The following AGPS variants were observed in gnomAD, a reference collection of about 807,000 sequenced individuals.
AGPS encodes alkyldihydroxyacetonephosphate synthase, peroxisomal.
Under a neutral mutation model 90.7 loss-of-function variants are expected in AGPS, and 26 were observed. The ratio of observed to expected loss-of-function variants is 0.29; its 90% confidence interval spans 0.21 to 0.40. AGPS has a LOEUF of 0.40. AGPS is among the 10% of genes least tolerant of loss of function. The pLI is 1.00. For synonymous variants in AGPS, 294 were observed against 285.3 expected, an observed-to-expected ratio of 1.03 and a Z score of -0.31; for missense variants, 540 against 816.1, an observed-to-expected ratio of 0.66 and a Z score of 4.12.
chr2:177,509,449 G>A (rs1379003171), intron 16 of AGPS, among the ~76,000 whole-genome samples: 3 of 152,054 alleles, frequency 2.0e-5, no homozygotes, highest in East Asian at 3.9e-4. Flanking sequence ...GGCAGATCAC[G>A]AGGTCAGGAG....
intron 1 of AGPS, among the ~76,000 whole-genome samples, chr2:177,403,466 G>A (rs1049366700): frequency 6.6e-5 from 10 of 152,210 alleles, no homozygotes; most frequent in African/African-American, 2.4e-4. Context: ...GTGGCAGTTT[G>A]CTCTAGTAAT....
chr2:177,447,448 A>C (rs75112224), intron 8 of AGPS, among the ~76,000 whole-genome samples: 5,323 of 151,706 alleles, frequency 0.035, 206 homozygotes, highest in African/African-American at 0.097. Flanking sequence ...TAATGAAAAA[A>C]CCTCTAAAAA....
At chr2:177,505,700 C>A (rs77438433) in intron 15 of AGPS, 125 bp downstream of exon 15, 9 of 821,154 alleles carry the variant, frequency 1.1e-5, no homozygotes, top group Non-Finnish European at 1.8e-5. Context: ...TTTAGCATAT[C>A]ATTTTACATG....
At chr2:177,407,660 G>A (rs562787016) in intron 1 of AGPS, among the ~76,000 whole-genome samples, 4 of 152,168 alleles carry the variant, frequency 2.6e-5, no homozygotes, top group South Asian at 2.1e-4. Context: ...CAGCCCCGGG[G>A]ACTGCAATTT....
intron 10 of AGPS, 25 bp from the exon 11 acceptor site, chr2:177,482,034 G>A (rs1161040705): frequency 3.2e-6 from 5 of 1,579,078 alleles, no homozygotes; most frequent in Non-Finnish European, 4.3e-6. Flanking sequence ...TGATGTACTG[G>A]ATTATTCCCC....
Position 177,396,138 on chromosome 2 carries a change from A to G in AGPS, c.260+3089A>G, listed in dbSNP as rs139587520. The stretch of plus-strand genomic sequence containing the variant: ...TTCTGGAGAAGATTTTAAAATGTGG[A>G]TGGTATTTTGAGAGTTTATATTCCA... On this transcript the variant is annotated intron_variant, in intron 1 of 19. Transcript: ENST00000264167. 1.5e-3 allele frequency among the ~76,000 whole-genome samples: 230 copies of G among 152,212 alleles called. 1 individual carries two copies. The highest frequency in any genetic ancestry group is 5.2e-3 in the African/African-American group (217 of 41,524).
intron 18 of AGPS, among the ~76,000 whole-genome samples, chr2:177,522,814 T>G (rs1337582494): frequency 6.6e-6 from 1 of 152,152 alleles, no homozygotes; most frequent in Non-Finnish European, 1.5e-5. Context: ...CTGGGCCCTC[T>G]CCTACCCTGG....
intron 1 of AGPS, among the ~76,000 whole-genome samples, chr2:177,396,864 G>A (rs1389506341): frequency 6.6e-6 from 1 of 151,932 alleles, no homozygotes. Context: ...CATTTCAGAG[G>A]GCTGACCAAA....
At chr2:177,533,288 T>G (rs2079154085) in intron 19 of AGPS, among the ~76,000 whole-genome samples, 1 of 152,206 alleles carries the variant, frequency 6.6e-6, no homozygotes, top group Non-Finnish European at 1.5e-5. Flanking sequence ...AACTGAACAT[T>G]AAACTATTAA....
chr2:177,493,181 A>C lies in AGPS; in HGVS notation c.1267A>C (p.Asn423His). ...TCCGGCATCTATTCGCCTCATGGAC[A>C]ACAAGCAGTTTCAGTTTGGTAAGTA... The part of the protein sequence containing the change: ...CAPASIRLMD[N>H]KQFQFGHALK... The change falls in exon 12 of 20, where the codon AAC (asparagine) becomes CAC (histidine). Residue 423 changes from asparagine (N) to histidine (H), a missense_variant. Asn to His is a moderately conservative substitution (Grantham distance 68, BLOSUM62 1). Coordinates refer to ENST00000264167, the MANE Select transcript of AGPS (RefSeq NM_003659.4). The C allele has an allele frequency of 6.2e-7, 1 of 1,613,550 alleles. No individual in the cohort carries two copies. Among genetic ancestry groups the C allele is most frequent in the Non-Finnish European group, 8.5e-7 (1 of 1,179,646 alleles).
intron 14 of AGPS, among the ~76,000 whole-genome samples, chr2:177,503,464 A>G (rs1688619531): frequency 6.6e-6 from 1 of 152,166 alleles, no homozygotes; most frequent in African/African-American, 2.4e-5. Context: ...TTCCTCTTTC[A>G]TTAGTCTTTC....
In AGPS at chr2:177,481,919, T is replaced by TTAC. The variant is rs562203966; in HGVS notation, c.1106-139_1106-138insACT. ...ATTTTATAATTTTTTCTAGAATGAC[T>TTAC]TGAGTAGCCATTATTCCCCAGGTAG... On this transcript the variant is annotated intron_variant, in intron 10 of 19. Transcript: ENST00000264167. 310 of 746,120 alleles carry TTAC rather than the reference T, an allele frequency of 4.2e-4. 6 individuals are homozygous for TTAC. The South Asian group carries it at 6.5e-3, about 16-fold the overall frequency. 46.2% of individuals were successfully genotyped at this position (746,120 alleles called of 1,614,324 possible).
At chr2:177,396,510 T>A (rs1286712075) in intron 1 of AGPS, among the ~76,000 whole-genome samples, 2 of 152,130 alleles carry the variant, frequency 1.3e-5, no homozygotes, top group Non-Finnish European at 2.9e-5. Context: ...GGAATTAAGC[T>A]GGGAAGAGAC....
Position 177,455,753 on chromosome 2 carries a change from T to G in AGPS, c.871-6140T>G, listed in dbSNP as rs188898773. Among the ~76,000 whole-genome samples the G allele has an allele frequency of 3.4e-5, 5 of 145,526 alleles. No homozygotes were observed. The East Asian group carries it at 1.0e-3, about 29-fold the overall frequency. On this transcript the variant is annotated intron_variant, in intron 8 of 19. Coordinates refer to ENST00000264167, the MANE Select transcript of AGPS (RefSeq NM_003659.4). ...GTATAATTTAATTATGATTCTTAAT[T>G]TCAGTTTCCTTTACTATTTCTCCTG...
At chr2:177,481,654 A>C (rs1318216722) in intron 10 of AGPS, among the ~76,000 whole-genome samples, 1 of 151,948 alleles carries the variant, frequency 6.6e-6, no homozygotes, top group Non-Finnish European at 1.5e-5. Flanking sequence ...TTGCCCAATA[A>C]ATTGTTTTTA....
At chr2:177,502,567 T>C (rs1245542992) in intron 14 of AGPS, among the ~76,000 whole-genome samples, 1 of 151,612 alleles carries the variant, frequency 6.6e-6, no homozygotes, top group Admixed American at 6.6e-5. Context: ...CAGGTGCACG[T>C]CACCATGCCT....
At position 177,538,398 on chromosome 2, in the gene AGPS, A is replaced by G; in HGVS notation, c.*203A>G. On this transcript the variant is annotated 3_prime_UTR_variant, in exon 20 of 20. Coordinates refer to ENST00000264167, the MANE Select transcript of AGPS (RefSeq NM_003659.4). Reference sequence around the variant, plus strand: ...AGTATTCCTAAATCTCTCTCATTGTAGGTACATCATTTTACATTCAGCGGT... The same window carrying G: ...AGTATTCCTAAATCTCTCTCATTGTGGGTACATCATTTTACATTCAGCGGT... 1 of 607,724 alleles carries G rather than the reference A, an allele frequency of 1.6e-6. No homozygotes were observed. Among genetic ancestry groups the G allele is most frequent in the Non-Finnish European group, 2.8e-6 (1 of 354,868 alleles). 37.6% of individuals were successfully genotyped at this position (607,724 alleles called of 1,614,324 possible). A position where few individuals can be genotyped will look rare whatever the true frequency, so the allele number is the denominator to read the frequency against.
chr2:177,458,051 A>G (rs1370695111), intron 8 of AGPS, among the ~76,000 whole-genome samples: 2 of 152,222 alleles, frequency 1.3e-5, no homozygotes, highest in Non-Finnish European at 2.9e-5. Flanking sequence ...AAATAAATCA[A>G]TGTAATCCAT....
At chr2:177,417,836 T>A (rs1313244840) in intron 1 of AGPS, among the ~76,000 whole-genome samples, 1 of 152,198 alleles carries the variant, frequency 6.6e-6, no homozygotes, top group Non-Finnish European at 1.5e-5. Context: ...TATTAAAAAA[T>A]TTAATCATAT....
Sources: gnomAD v4.1 joint callset for allele counts (sites outside exome capture counted in the v4.1 genomes callset) on GRCh38, gnomAD v4.1.1 for gene constraint, MANE v1.5 for transcripts, NCBI Gene and HGNC (gene_info 2026-07-23, HGNC 2026-07-21) for gene names.